The following MAST4 variants were observed in gnomAD, a reference collection of about 807,000 sequenced individuals.
The protein encoded by MAST4 is microtubule associated serine/threonine kinase family member 4, also known as microtubule-associated serine/threonine-protein kinase 4.
Under a neutral mutation model 162.7 loss-of-function variants are expected in MAST4, and 89 were observed. The ratio of observed to expected loss-of-function variants is 0.55; its 90% CI spans 0.46 to 0.65. MAST4 has a LOEUF of 0.65. Ranked by LOEUF, MAST4 falls within the 30% of genes least tolerant of loss-of-function variation. The probability of loss-of-function intolerance (pLI) is 0.00; values close to 1 mark genes in which losing one functional copy is unlikely to be tolerated. For missense variants in MAST4, 3,153 were observed against 3,374.0 expected (o/e 0.93, Z 1.62); for synonymous variants, 1,479 against 1,361.1 (o/e 1.09, Z -1.91).
chr5:67,105,718 T>G (rs993664941), intron 10 of MAST4, among the ~76,000 whole-genome samples: 2 of 152,222 alleles, frequency 1.3e-5, no homozygotes, highest in African/African-American at 4.8e-5. Context: ...TGAGTTACAT[T>G]ACAATGTAAA....
chr5:67,007,799 A>G (rs1752216291), intron 4 of MAST4, among the ~76,000 whole-genome samples: 1 of 152,118 alleles, frequency 6.6e-6, no homozygotes, highest in African/African-American at 2.4e-5. Flanking sequence ...GTTAGTTTGT[A>G]CTCTCAGAGA....
At position 66,864,252 on chromosome 5, in the gene MAST4, G is replaced by A. The variant is rs116777162; in HGVS notation, c.643-35699G>A. On this transcript the variant is annotated intron_variant, in intron 3 of 28. Coordinates refer to ENST00000403625, the MANE Select transcript of MAST4 (RefSeq NM_001164664.2). ...GGAGCATCCCTCTTTTAGAGGAGGG[G>A]ACATTTGAACATTCCTGAATGAAGC... Among the ~76,000 whole-genome samples the A allele has an allele frequency of 6.9e-3, 1,046 of 152,276 alleles. 6 individuals carry two copies. The highest frequency in any genetic ancestry group is 0.01 in the Middle Eastern group (3 of 294).
intron 6 of MAST4, among the ~76,000 whole-genome samples, chr5:67,090,923 T>C (rs559516267): frequency 6.6e-6 from 1 of 152,024 alleles, no homozygotes; most frequent in Non-Finnish European, 1.5e-5. Flanking sequence ...CCTGGGCTCC[T>C]TCATCCCTCT....
At position 66,769,564 on chromosome 5, in the gene MAST4, G is replaced by A. The variant is rs535287617; in HGVS notation, c.517+9702G>A. Among the ~76,000 whole-genome samples, 11 of 152,262 alleles carry A rather than the reference G, an allele frequency of 7.2e-5. No homozygotes were observed. In the East Asian group the frequency reaches 1.5e-3, roughly 21 times the overall value. ...CTGTAACCTGTTGCTCCTGGGTCAC[G>A]CATCTTTACAGCATGTTACTGTACT... On this transcript the variant is annotated intron_variant, in intron 2 of 28. Transcript: ENST00000403625.
chr5:66,782,289 C>CAAAAA (rs573328157), intron 2 of MAST4, among the ~76,000 whole-genome samples: 1 of 92,700 alleles, frequency 1.1e-5, no homozygotes, highest in African/African-American at 5.1e-5. Context: ...GACTTCGTCT[C>CAAAAA]AAAAAAAAAA....
intron 1 of MAST4, among the ~76,000 whole-genome samples, chr5:66,746,325 C>A (rs1030836597): frequency 9.2e-5 from 14 of 152,134 alleles, no homozygotes; most frequent in Admixed American, 8.5e-4. Context: ...GGTTGACTTT[C>A]CAAAGCTTTG....
intron 1 of MAST4, among the ~76,000 whole-genome samples, chr5:66,688,566 T>C (rs1388214999): frequency 6.6e-6 from 1 of 152,190 alleles, no homozygotes; most frequent in African/African-American, 2.4e-5. Context: ...TTATACCTCT[T>C]ATTCTGTTTC....
At chr5:66,740,276 T>C (rs1230057627) in intron 1 of MAST4, among the ~76,000 whole-genome samples, 1 of 152,176 alleles carries the variant, frequency 6.6e-6, no homozygotes, top group African/African-American at 2.4e-5. Flanking sequence ...CAGGAAAGAT[T>C]AGGAAGTTGC....
Position 66,812,374 on chromosome 5 carries a change from A to G in MAST4, c.642+23580A>G, listed in dbSNP as rs149276162. ...AGACCAAAATAACAGAGGAAATCCC[A>G]TCGCTAACACAAAACCTTGAAACAT... is the stretch of plus-strand genomic sequence containing the variant. On this transcript the variant is annotated intron_variant, in intron 3 of 28. Transcript: ENST00000403625. 2.6e-3 allele frequency among the ~76,000 whole-genome samples: 391 copies of G among 152,340 alleles called. 2 individuals are homozygous for G. The highest frequency in any genetic ancestry group is 9.2e-3 in the African/African-American group (381 of 41,576).
intron 4 of MAST4, among the ~76,000 whole-genome samples, chr5:66,987,258 T>TCA (rs1190574110): frequency 6.6e-6 from 1 of 151,978 alleles, no homozygotes; most frequent in Non-Finnish European, 1.5e-5. Context: ...GAAAAAGGAG[T>TCA]CACACTTTTA....
At chr5:66,729,177 T>G (rs914880894) in intron 1 of MAST4, among the ~76,000 whole-genome samples, 6 of 152,212 alleles carry the variant, frequency 3.9e-5, no homozygotes, top group Non-Finnish European at 8.8e-5. Context: ...AATGCAATGA[T>G]TATGCAATTA....
intron 4 of MAST4, among the ~76,000 whole-genome samples, chr5:67,035,234 G>T (rs938093648): frequency 3.3e-5 from 5 of 152,072 alleles, no homozygotes; most frequent in Admixed American, 6.6e-5. Context: ...ACTACTCAAG[G>T]AACAGCCATT....
intron 4 of MAST4, among the ~76,000 whole-genome samples, chr5:66,924,536 G>GGCGTCCGCCACC (rs1295179743): frequency 5.3e-5 from 8 of 151,894 alleles, no homozygotes; most frequent in African/African-American, 1.5e-4. Context: ...TGGGACTATA[G>GGCGTCCGCCACC]GCGTCCGCCA....
intron 2 of MAST4, among the ~76,000 whole-genome samples, chr5:66,783,017 C>G (rs1305488563): frequency 6.6e-6 from 1 of 152,292 alleles, no homozygotes; most frequent in East Asian, 1.9e-4. Context: ...GTCCTCTTTT[C>G]TCTATTAACA....
At chr5:66,636,002 G>A (rs59852697) in intron 1 of MAST4, among the ~76,000 whole-genome samples, 34,760 of 126,126 alleles carry the variant, frequency 0.28, 4,762 homozygotes, top group Middle Eastern at 0.33. Flanking sequence ...TCTGTCACCA[G>A]GCTAGAGTGC....
intron 4 of MAST4, chr5:67,004,689 CAT>C (rs1751753471): frequency 3.4e-6 from 1 of 294,640 alleles, no homozygotes; most frequent in Non-Finnish European, 6.6e-6. Flanking sequence ...CGGCTCAACT[CAT>C]GTAATTACTG....
chr5:66,669,790 G>C (rs1201451930), intron 1 of MAST4, among the ~76,000 whole-genome samples: 1 of 152,186 alleles, frequency 6.6e-6, no homozygotes, highest in Admixed American at 6.5e-5. Context: ...GAGGGTGGGG[G>C]TGTGGAGGAA....
At chr5:66,673,406 A>AT (rs1351136283) in intron 1 of MAST4, among the ~76,000 whole-genome samples, 1 of 141,552 alleles carries the variant, frequency 7.1e-6, no homozygotes, top group African/African-American at 2.8e-5. Flanking sequence ...TTGTATCTTA[A>AT]TTTTGAAGAA....
At chr5:67,008,359 T>C (rs1752287704) in intron 4 of MAST4, among the ~76,000 whole-genome samples, 2 of 152,258 alleles carry the variant, frequency 1.3e-5, no homozygotes, top group East Asian at 1.9e-4. Flanking sequence ...TTCATGTCAC[T>C]GCTTATGTTT....
Sources: allele counts gnomAD v4.1 joint callset (sites outside exome capture counted in the v4.1 genomes callset), GRCh38; gene constraint gnomAD v4.1.1; transcripts MANE v1.5; gene names NCBI Gene and HGNC (gene_info 2026-07-23, HGNC 2026-07-21).